Variants in ZNF880 observed in about 807,000 individuals in gnomAD.
ZNF880 encodes the protein zinc finger protein LOC400713.
ZNF880 carries 12 observed loss-of-function variants against 11.8 expected under a neutral mutation model. The ratio of observed to expected loss-of-function variants is 1.02; its 90% CI spans 0.65 to 1.65. The LOEUF is 1.65. Among genes scored for constraint, ZNF880 ranks in the 40% most tolerant of loss-of-function variants. The pLI, the probability that ZNF880 is intolerant of heterozygous loss-of-function variation, is 0.00. For missense variants in ZNF880, 601 were observed against 673.9 expected (o/e 0.89, Z 1.20); for synonymous variants, 210 against 232.4 (o/e 0.90, Z 0.88).
chr19:52,369,362 CAAAAAAA>C (rs57601492), upstream of ZNF880, among the ~76,000 whole-genome samples: 9 of 112,430 alleles, frequency 8.0e-5, no homozygotes, highest in Non-Finnish European at 7.2e-5. Context: ...ACTCTGTCTC[CAAAAAAA>C]AAAAAAAAAA....
At chr19:52,393,859 C>T in the ZNF880 span, among the ~76,000 whole-genome samples, 2,123 of 99,524 alleles carry the variant, frequency 0.021, 30 homozygotes, top group Middle Eastern at 0.091. Context: ...TTTTTTGAGA[C>T]GGAGTCTTGC....
At position 52,375,161 on chromosome 19, in the gene ZNF880, T is replaced by G. The variant is rs1600247754; in HGVS notation, c.268+734T>G. ...TGTGTTACCCAAACTAGTATTGGTTTTTTTTTTTTAATTTTTAATTTATTT... is the reference window on the plus strand; with the variant it reads ...TGTGTTACCCAAACTAGTATTGGTTGTTTTTTTTTAATTTTTAATTTATTT... On this transcript the variant is annotated intron_variant, in intron 3 of 3. Transcript: ENST00000422689. Among the ~76,000 whole-genome samples, 3 of 151,266 alleles carry G rather than the reference T, an allele frequency of 2.0e-5. No individual in the cohort carries two copies. In the East Asian group the frequency reaches 5.9e-4, roughly 30 times the overall value.
At chr19:52,368,505 G>A (rs1986228289), upstream of ZNF880, among the ~76,000 whole-genome samples, 1 of 151,938 alleles carries the variant, frequency 6.6e-6, no homozygotes, top group Admixed American at 6.6e-5. Context: ...ATTATATAAT[G>A]AGGCTCTGTG....
the ZNF880 span, among the ~76,000 whole-genome samples, chr19:52,394,003 A>C: frequency 7.1e-6 from 1 of 141,342 alleles, no homozygotes; most frequent in Non-Finnish European, 1.5e-5. Context: ...CACCTGGCTA[A>C]TTTTTTTGTA....
chr19:52,376,535 C>A (rs1600248355), intron 3 of ZNF880, among the ~76,000 whole-genome samples: 1 of 82,116 alleles, frequency 1.2e-5, no homozygotes, highest in Admixed American at 2.0e-4. Flanking sequence ...TTTGAGACAG[C>A]GTCTTGCTCT....
downstream of ZNF880, among the ~76,000 whole-genome samples, chr19:52,387,898 C>CTTT (rs71180454): frequency 1.2e-5 from 1 of 85,970 alleles, no homozygotes; most frequent in Non-Finnish European, 2.3e-5. Flanking sequence ...CATAAATTTT[C>CTTT]TTTTTTTTTT....
At position 52,374,392 on chromosome 19, in the gene ZNF880, C is replaced by T; in HGVS notation, c.233C>T (p.Pro78Leu). 6.2e-7 allele frequency: 1 copy of T among 1,612,986 alleles called. No individual in the cohort carries two copies. Among genetic ancestry groups the T allele is most frequent in the Non-Finnish European group, 8.5e-7 (1 of 1,179,516 alleles). ...LQSEVKIANN[P>L]GGRECIKGVN... ...AGTGAAGTGAAAATAGCAAACAATCCAGGTGGCAGGGAGTGCATCAAAGGT... is the reference window on the plus strand; with the variant it reads ...AGTGAAGTGAAAATAGCAAACAATCTAGGTGGCAGGGAGTGCATCAAAGGT... The change falls in exon 3 of 4, where the codon CCA becomes CTA. Residue 78 changes from proline to leucine, a missense_variant. By Grantham distance (98) the Pro-to-Leu change is moderately conservative. Around this residue, in one of 3 missense-constraint regions of ZNF880, gnomAD observed 420 missense variants for 442.6 expected, o/e 0.95. Transcript: ENST00000422689.
At chr19:52,388,281 A>ATTTTTTTTTTTTTT (rs1298446341), downstream of ZNF880, among the ~76,000 whole-genome samples, 12 of 38,874 alleles carry the variant, frequency 3.1e-4, 1 homozygote, top group African/African-American at 7.3e-4. Context: ...GGCAATTTGA[A>ATTTTTTTTTTTTTT]CTTTTTTTTT....
intron 3 of ZNF880, chr19:52,379,497 GC>G (rs1454490620): frequency 2.2e-6 from 1 of 449,424 alleles, no homozygotes; most frequent in Admixed American, 2.4e-5. Flanking sequence ...CTGGATTCAA[GC>G]AATTCTTCTG....
At chr19:52,396,678 G>A in the ZNF880 span, 1 of 152,232 alleles carries the variant, frequency 6.6e-6, no homozygotes, top group Admixed American at 6.5e-5. Flanking sequence ...CGAGCACTTT[G>A]GTAGGAGCAG....
At chr19:52,386,955 A>G (rs1236231043), downstream of ZNF880, among the ~76,000 whole-genome samples, 2 of 144,374 alleles carry the variant, frequency 1.4e-5, no homozygotes, top group African/African-American at 5.4e-5. Flanking sequence ...GAATGTACAT[A>G]GTTCTCATGT....
chr19:52,371,106 C>T (rs1197575869), intron 1 of ZNF880, among the ~76,000 whole-genome samples: 1 of 152,142 alleles, frequency 6.6e-6, no homozygotes, highest in Non-Finnish European at 1.5e-5. Context: ...ATCAAAGGCG[C>T]ATCATCAGTT....
Position 52,384,395 on chromosome 19 carries a change from A to T in ZNF880, c.815A>T (p.Glu272Val), listed in dbSNP as rs1464608824. The T allele has an allele frequency of 4.3e-6, 7 of 1,613,976 alleles. No homozygotes were observed. Among genetic ancestry groups the T allele is most frequent in the Non-Finnish European group, 5.9e-6 (7 of 1,179,912 alleles). Residue 272 changes from glutamate (E) to valine (V), a missense_variant, in exon 4 of 4, where the codon GAG becomes GTG. This residue lies in a region of ZNF880 where 420 missense variants were observed against 442.6 expected (regional missense o/e 0.95). Transcript: ENST00000422689. ...GGAGAGAAACCTTACAAATGTCATG[A>T]GTGTGGCAAAGTCTTCACTCAAAAT... ...HTGEKPYKCH[E>V]CGKVFTQNSH... is the part of the protein sequence containing the mutation.
the ZNF880 span, among the ~76,000 whole-genome samples, chr19:52,393,079 T>C: frequency 4.0e-5 from 6 of 151,646 alleles, no homozygotes; most frequent in Admixed American, 6.6e-5. Context: ...TTTTTTTTTT[T>C]TTTTCTTTTC....
chr19:52,373,234 C>T lies in ZNF880; in HGVS notation c.136C>T (p.Leu46=), dbSNP rs1986444686. Residue 46 remains leucine, a synonymous_variant, in exon 2 of 4, where the codon CTG becomes TTG. Coordinates refer to ENST00000422689, the MANE Select transcript of ZNF880 (RefSeq NM_001145434.2). The part of the protein sequence containing the change: ...MVENYRNLVF[L]GICLPDLSVI... ...GGAGAACTACAGGAACCTGGTCTTT[C>T]TGGGTGAGGATAATGTCCCTTCAGA... 1.2e-6 allele frequency: 2 copies of T among 1,611,518 alleles called. No homozygotes were observed. Among genetic ancestry groups the T allele is most frequent in the South Asian group, 1.1e-5 (1 of 90,966 alleles).
At chr19:52,380,702 A>T (rs1986684378) in intron 3 of ZNF880, among the ~76,000 whole-genome samples, 1 of 152,130 alleles carries the variant, frequency 6.6e-6, no homozygotes, top group African/African-American at 2.4e-5. Flanking sequence ...TTTTAGATAT[A>T]TTCTTGCTCT....
chr19:52,377,565 T>TGTC (rs1171190983), intron 3 of ZNF880, among the ~76,000 whole-genome samples: 1 of 152,206 alleles, frequency 6.6e-6, no homozygotes, highest in Non-Finnish European at 1.5e-5. Context: ...AGTAGCAGGT[T>TGTC]GTCACCTTTC....
chr19:52,373,920 C>T (rs1277693178), intron 2 of ZNF880, among the ~76,000 whole-genome samples: 2 of 151,790 alleles, frequency 1.3e-5, no homozygotes, highest in African/African-American at 2.4e-5. Flanking sequence ...CCGCCCACCT[C>T]GGCCTCCCAA....
rs571490496 is a variant in ZNF880 at position 52,378,074 on chromosome 19, A to C, written c.268+3647A>C. 2.0e-5 allele frequency among the ~76,000 whole-genome samples: 3 copies of C among 152,236 alleles called. No individual in the cohort carries two copies. The East Asian group carries it at 5.8e-4, about 29-fold the overall frequency. On this transcript the variant is annotated intron_variant, in intron 3 of 3. Transcript: ENST00000422689. ...ATAGGGCTGACACTTTCATGCTTGT[A>C]ATCATGGCCTGGTCTTTCTGATGAT... is the stretch of plus-strand genomic sequence containing the variant.
Sources: allele counts gnomAD v4.1 joint callset (sites outside exome capture counted in the v4.1 genomes callset), GRCh38; gene constraint gnomAD v4.1.1; regional missense constraint gnomAD v4.1.1; transcripts MANE v1.5; gene names NCBI Gene and HGNC (gene_info 2026-07-23, HGNC 2026-07-21).